The following TIGD4 variants were observed in gnomAD, a reference collection of about 807,000 sequenced individuals.
The protein encoded by TIGD4 is tigger transposable element-derived protein 4.
Under a neutral mutation model 24.9 loss-of-function variants are expected in TIGD4, and 20 were observed. The ratio of observed to expected loss-of-function variants is 0.80; its 90% CI spans 0.56 to 1.17. The LOEUF is 1.17. Ranked by LOEUF, TIGD4 falls within the 50% of genes most tolerant of loss-of-function variation. TIGD4 has a pLI of 0.00. For synonymous variants in TIGD4, 193 were observed against 211.0 expected, an observed-to-expected ratio of 0.91 and a Z score of 0.74; for missense variants, 566 against 591.0, an observed-to-expected ratio of 0.96 and a Z score of 0.44.
At chr4:152,772,868 C>T (rs555589877) in intron 1 of TIGD4, among the ~76,000 whole-genome samples, 12 of 152,256 alleles carry the variant, frequency 7.9e-5, no homozygotes, top group East Asian at 1.9e-4. Context: ...CACGCCACCA[C>T]GTCCAGCTAA....
intron 1 of TIGD4, among the ~76,000 whole-genome samples, chr4:152,773,072 C>G (rs1159958026): frequency 1.3e-5 from 2 of 152,182 alleles, no homozygotes; most frequent in African/African-American, 4.8e-5. Context: ...CCCAGATAGG[C>G]TCACCTCTAC....
intron 1 of TIGD4, among the ~76,000 whole-genome samples, chr4:152,774,936 G>C (rs779914472): frequency 2.7e-5 from 4 of 145,962 alleles, no homozygotes; most frequent in African/African-American, 5.1e-5. Context: ...TTTTTTTTAA[G>C]AGGGAGTATC....
intron 1 of TIGD4, among the ~76,000 whole-genome samples, chr4:152,778,539 G>A (rs941048980): frequency 1.4e-4 from 22 of 152,266 alleles, no homozygotes; most frequent in African/African-American, 5.3e-4. Flanking sequence ...GTTACAGTTT[G>A]AGTGGGTTGG....
At position 152,770,436 on chromosome 4, in the gene TIGD4, C is replaced by A; in HGVS notation, c.569G>T (p.Arg190Leu). 1 of 1,613,490 alleles carries A rather than the reference C, an allele frequency of 6.2e-7. No homozygotes were observed. The highest frequency in any genetic ancestry group is 8.5e-7 in the Non-Finnish European group (1 of 1,179,796). Residue 190 changes from arginine (R) to leucine (L), a missense_variant, in exon 2 of 2, where the codon CGA becomes CTA. By Grantham distance (102) the Arg-to-Leu change is moderately radical. Coordinates refer to ENST00000304337, the MANE Select transcript of TIGD4 (RefSeq NM_145720.4). ...FNIKETGLLY[R>L]MLPTNTFAFK... ...TGCAAATGTATTGGTAGGTAACATTCGATAAAGCAGCCCAGTCTCTTTTAT... is the reference window on the plus strand; with the variant it reads ...TGCAAATGTATTGGTAGGTAACATTAGATAAAGCAGCCCAGTCTCTTTTAT...
intron 1 of TIGD4, among the ~76,000 whole-genome samples, chr4:152,776,845 G>T (rs1468194107): frequency 6.6e-6 from 1 of 152,144 alleles, no homozygotes; most frequent in Admixed American, 6.5e-5. Flanking sequence ...TGAAATGGGG[G>T]CTCAAATCAA....
At chr4:152,779,080 T>C (rs564576809) in intron 1 of TIGD4, among the ~76,000 whole-genome samples, 1 of 152,246 alleles carries the variant, frequency 6.6e-6, no homozygotes, top group South Asian at 2.1e-4. Flanking sequence ...CACTGAGCTC[T>C]GGGGATGGGG....
intron 1 of TIGD4, among the ~76,000 whole-genome samples, chr4:152,772,642 AACT>A (rs1210879950): frequency 2.6e-5 from 4 of 152,128 alleles, no homozygotes; most frequent in African/African-American, 9.7e-5. Context: ...CAATTTGGAA[AACT>A]ATAAAATCCT....
chr4:152,772,613 T>A (rs1192305854), intron 1 of TIGD4, among the ~76,000 whole-genome samples: 2 of 152,216 alleles, frequency 1.3e-5, no homozygotes, highest in Non-Finnish European at 2.9e-5. Flanking sequence ...CTCTCATGTC[T>A]TTTGGCTGTG....
intron 1 of TIGD4, among the ~76,000 whole-genome samples, chr4:152,775,458 C>T (rs903979732): frequency 6.6e-6 from 1 of 152,138 alleles, no homozygotes; most frequent in African/African-American, 2.4e-5. Flanking sequence ...TATCTGGAGG[C>T]TCTGGGGAAG....
intron 1 of TIGD4, among the ~76,000 whole-genome samples, chr4:152,776,536 T>A (rs1730264598): frequency 6.6e-6 from 1 of 152,200 alleles, no homozygotes; most frequent in Admixed American, 6.5e-5. Context: ...CAGTAGTTTA[T>A]ACCCCTCTGC....
chr4:152,779,512 C>T lies in TIGD4; in HGVS notation c.-569G>A. On this transcript the variant is annotated 5_prime_UTR_variant, in exon 1 of 2. Transcript: ENST00000304337. ...TCGTGCTCTCCGGTGGCTGAGAAAG[C>T]AGCTTTCGCTCTTCTGTGGTAGCGT... 6.6e-6 allele frequency: 1 copy of T among 152,498 alleles called. No homozygotes were observed. 9.4% of individuals were successfully genotyped at this position (152,498 alleles called of 1,614,324 possible).
In TIGD4 at chr4:152,770,544, A is replaced by C. The variant is rs773080941; in HGVS notation, c.461T>G (p.Val154Gly). The stretch of plus-strand genomic sequence containing the variant: ...CCAGACAGTCGAAGGGTCTACTGGT[A>C]CACCTGTAGCTTCTACAGGTTGAGC... ...FRAQPVEATG[V>G]PVDPSTVWYQ... Residue 154 changes from valine (V) to glycine (G), a missense_variant, in exon 2 of 2, where the codon GTA becomes GGA. Val to Gly is a moderately radical substitution (Grantham distance 109). Coordinates refer to ENST00000304337, the MANE Select transcript of TIGD4 (RefSeq NM_145720.4). 1.2e-6 allele frequency: 2 copies of C among 1,613,072 alleles called. No individual in the cohort carries two copies.
chr4:152,775,271 A>G (rs1486530603), intron 1 of TIGD4, among the ~76,000 whole-genome samples: 1 of 152,218 alleles, frequency 6.6e-6, no homozygotes, highest in African/African-American at 2.4e-5. Context: ...AATTTCTTAC[A>G]AATGTATTAG....
In TIGD4 at chr4:152,770,165, T is replaced by A; in HGVS notation, c.840A>T (p.Gln280His). 6.2e-7 allele frequency: 1 copy of A among 1,614,152 alleles called. No homozygotes were observed. The highest frequency in any genetic ancestry group is 8.5e-7 in the Non-Finnish European group (1 of 1,179,968). The change falls in exon 2 of 2, where the codon CAA (glutamine) becomes CAT (histidine). Residue 280 changes from glutamine (Q) to histidine (H), a missense_variant. Gln to His is a conservative substitution (Grantham distance 24, BLOSUM62 0). Coordinates refer to ENST00000304337, the MANE Select transcript of TIGD4 (RefSeq NM_145720.4). ...RKLDEEFQAQ[Q>H]RRVVIFVESF... Reference sequence around the variant, plus strand: ...ACTCAACAAAAATCACCACTCTTCGTTGCTGGGCTTGAAATTCCTCATCAA... The same window carrying A: ...ACTCAACAAAAATCACCACTCTTCGATGCTGGGCTTGAAATTCCTCATCAA...
chr4:152,776,928 T>C (rs1316696894), intron 1 of TIGD4, among the ~76,000 whole-genome samples: 1 of 152,136 alleles, frequency 6.6e-6, no homozygotes, highest in African/African-American at 2.4e-5. Context: ...ATGACAGAAG[T>C]AGCATCTGAA....
chr4:152,771,800 TAA>T (rs1454560822), intron 1 of TIGD4, among the ~76,000 whole-genome samples: 1 of 152,202 alleles, frequency 6.6e-6, no homozygotes, highest in Non-Finnish European at 1.5e-5. Flanking sequence ...ATAAATCAGA[TAA>T]ATTTAATCTA....
Position 152,771,092 on chromosome 4 carries a change from T to C in TIGD4, c.-88A>G, listed in dbSNP as rs1730164626. The C allele has an allele frequency of 1.4e-6, 2 of 1,429,814 alleles. No homozygotes were observed. The highest frequency in any genetic ancestry group is 2.4e-5 in the East Asian group (1 of 41,152). The allele number at this position is 1,429,814 out of a possible 1,614,324, so 88.6% of individuals were successfully genotyped here. A position where few individuals can be genotyped will look rare whatever the true frequency, so the allele number is the denominator to read the frequency against. On this transcript the variant is annotated 5_prime_UTR_variant, in exon 2 of 2. Transcript: ENST00000304337. Reference sequence around the variant, plus strand: ...AATTTGTTTTCCAGTATAATATAGATTGCTGCTTTCTATCCTACTTTATAC... The same window carrying C: ...AATTTGTTTTCCAGTATAATATAGACTGCTGCTTTCTATCCTACTTTATAC...
At chr4:152,772,209 A>G (rs559777140) in intron 1 of TIGD4, among the ~76,000 whole-genome samples, 1 of 152,344 alleles carries the variant, frequency 6.6e-6, no homozygotes, top group Admixed American at 6.5e-5. Flanking sequence ...AGCTGAAGGT[A>G]CAGAGGCCAG....
chr4:152,778,197 T>C (rs1730295340), intron 1 of TIGD4, among the ~76,000 whole-genome samples: 1 of 152,192 alleles, frequency 6.6e-6, no homozygotes, highest in Non-Finnish European at 1.5e-5. Context: ...ATAGTTAGAC[T>C]AACTTTAGTC....
Sources: allele counts gnomAD v4.1 joint callset (sites outside exome capture counted in the v4.1 genomes callset), GRCh38; gene constraint gnomAD v4.1.1; transcripts MANE v1.5; gene names NCBI Gene and HGNC (gene_info 2026-07-23, HGNC 2026-07-21).